COL5A2: variants seen among roughly 807,000 people sequenced by gnomAD.
COL5A2 encodes the protein collagen alpha-2(V) chain.
In COL5A2, 23 loss-of-function variants were observed where a neutral mutation model predicts 208.2. The ratio of observed to expected loss-of-function variants is 0.11; its 90% CI spans 0.08 to 0.16. The LOEUF is 0.16. Among genes scored for constraint, COL5A2 ranks in the 10% least tolerant of loss-of-function variants. COL5A2 has a pLI of 1.00. For missense variants in COL5A2, 1,590 were observed against 1,956.4 expected, an observed-to-expected ratio of 0.81 and a Z score of 3.53; for synonymous variants, 625 against 628.5, an observed-to-expected ratio of 0.99 and a Z score of 0.08.
intron 1 of COL5A2, among the ~76,000 whole-genome samples, chr2:189,206,831 T>C (rs1689149426): frequency 6.6e-6 from 1 of 152,196 alleles, no homozygotes; most frequent in Non-Finnish European, 1.5e-5. Flanking sequence ...TCGAAAGTTG[T>C]GTAGAATTGG....
chr2:189,181,555 G>A (rs953102173), upstream of COL5A2, among the ~76,000 whole-genome samples: 1 of 152,160 alleles, frequency 6.6e-6, no homozygotes, highest in Non-Finnish European at 1.5e-5. Flanking sequence ...ATTCTACCAT[G>A]AGGCAATTTT....
intron 1 of COL5A2, among the ~76,000 whole-genome samples, chr2:189,125,821 G>A (rs541419739): frequency 1.3e-5 from 2 of 152,066 alleles, no homozygotes; most frequent in Non-Finnish European, 2.9e-5. Context: ...GGTTATTGGC[G>A]CCCATAACCC....
the COL5A2 span, among the ~76,000 whole-genome samples, chr2:189,360,183 T>C: frequency 6.6e-6 from 1 of 152,266 alleles, no homozygotes; most frequent in East Asian, 1.9e-4. Context: ...TAGGTGTTTA[T>C]TGCTAAGAAC....
At chr2:189,253,970 C>CA in the COL5A2 span, among the ~76,000 whole-genome samples, 2 of 152,216 alleles carry the variant, frequency 1.3e-5, no homozygotes, top group Non-Finnish European at 2.9e-5. Flanking sequence ...CTCACTCACA[C>CA]ACTCAGTGAC....
intron 37 of COL5A2, 70 bp downstream of exon 37, chr2:189,053,825 T>C (rs1685841857): frequency 1.5e-6 from 2 of 1,301,026 alleles, no homozygotes; most frequent in South Asian, 1.3e-5. Flanking sequence ...TATATAAATA[T>C]AAAAACAAAA....
At chr2:189,096,973 G>C (rs922086680) in intron 6 of COL5A2, among the ~76,000 whole-genome samples, 1 of 152,160 alleles carries the variant, frequency 6.6e-6, no homozygotes, top group East Asian at 1.9e-4. Flanking sequence ...GGCAACCACA[G>C]ATCATATAAC....
chr2:189,068,817 G>A lies in COL5A2; in HGVS notation c.1226C>T (p.Pro409Leu), dbSNP rs760216151. The A allele has an allele frequency of 2.0e-5, 32 of 1,613,248 alleles. No homozygotes were observed. The South Asian group carries it at 3.3e-4, about 17-fold the overall frequency. The change falls in exon 19 of 54, where the codon CCC becomes CTC. Residue 409 changes from proline to leucine, a missense_variant. Pro to Leu is a moderately conservative substitution (Grantham distance 98, BLOSUM62 -3). Transcript: ENST00000374866. The part of the protein sequence containing the change: ...GPQGQRGETG[P>L]PGPVGSPGLP... ...ACCTGGAGAGCCAACTGGACCTGGG[G>A]GCCCAGTTTCACCTCTCTGCCCCTG...
At chr2:189,094,233 T>C (rs1300840345) in intron 6 of COL5A2, among the ~76,000 whole-genome samples, 2 of 152,102 alleles carry the variant, frequency 1.3e-5, no homozygotes, top group African/African-American at 4.8e-5. Context: ...CAGATTAAGA[T>C]TAAAATTAAT....
At chr2:189,410,773 A>G in the COL5A2 span, among the ~76,000 whole-genome samples, 1 of 152,158 alleles carries the variant, frequency 6.6e-6, no homozygotes, top group Non-Finnish European at 1.5e-5. Context: ...AATTGCCTAA[A>G]TTTTTAGTGA....
intron 1 of COL5A2, among the ~76,000 whole-genome samples, chr2:189,166,693 A>G (rs1688471011): frequency 6.6e-6 from 1 of 152,222 alleles, no homozygotes; most frequent in South Asian, 2.1e-4. Flanking sequence ...CTGTAGTGTG[A>G]GCCACGGAGT....
At chr2:189,290,940 G>T in the COL5A2 span, among the ~76,000 whole-genome samples, 1 of 152,062 alleles carries the variant, frequency 6.6e-6, no homozygotes, top group African/African-American at 2.4e-5. Context: ...TGTCTTCATT[G>T]TAGGTTCTAA....
rs755221159 is a variant in COL5A2 at position 189,049,362 on chromosome 2, C to T, written c.3132G>A (p.Gly1044=). Residue 1044 remains glycine (G), a synonymous_variant, in exon 44 of 54, where the codon GGG becomes GGA. Coordinates refer to ENST00000374866, the MANE Select transcript of COL5A2 (RefSeq NM_000393.5). ...VGPPGSNGPV[G]EPGPEGPAGN... ...TAGTACTCACTTCTGGTCCAGGTTC[C>T]CCTACAGGACCATTGGAGCCTGGGG... 6.2e-7 allele frequency: 1 copy of T among 1,610,714 alleles called. No individual in the cohort carries two copies. The highest frequency in any genetic ancestry group is 8.5e-7 in the Non-Finnish European group (1 of 1,177,520).
the COL5A2 span, among the ~76,000 whole-genome samples, chr2:189,356,795 C>A: frequency 1.3e-5 from 2 of 152,282 alleles, no homozygotes; most frequent in Non-Finnish European, 2.9e-5. Context: ...GAGTTGTGAT[C>A]CTTTGGAGGA....
chr2:189,202,485 C>T (rs1281050228), intron 1 of COL5A2, among the ~76,000 whole-genome samples: 1 of 152,102 alleles, frequency 6.6e-6, no homozygotes, highest in Non-Finnish European at 1.5e-5. Flanking sequence ...AGTGAAGAAG[C>T]AGTAAGTAAA....
At chr2:189,410,834 ATAAC>A in the COL5A2 span, among the ~76,000 whole-genome samples, 1 of 152,224 alleles carries the variant, frequency 6.6e-6, no homozygotes, top group Admixed American at 6.5e-5. Flanking sequence ...AACATTAAGA[ATAAC>A]TAAATTTTTA....
chr2:189,139,249 T>C (rs768205920), intron 1 of COL5A2, among the ~76,000 whole-genome samples: 1 of 152,174 alleles, frequency 6.6e-6, no homozygotes, highest in African/African-American at 2.4e-5. Context: ...CACTCCAGCC[T>C]GGGCAACAAG....
At chr2:189,350,390 T>G in the COL5A2 span, among the ~76,000 whole-genome samples, 1 of 152,126 alleles carries the variant, frequency 6.6e-6, no homozygotes, top group Non-Finnish European at 1.5e-5. Flanking sequence ...AGACATAGAC[T>G]TTTAGACAGG....
chr2:189,419,906 G>A, the COL5A2 span, among the ~76,000 whole-genome samples: 2 of 139,228 alleles, frequency 1.4e-5, no homozygotes, highest in Admixed American at 7.5e-5. Context: ...GAGGAGAAGA[G>A]GAGGAGGAGA....
intron 16 of COL5A2, 99 bp from the exon 17 acceptor site, chr2:189,075,536 GAATA>G: frequency 4.5e-6 from 4 of 880,434 alleles, no homozygotes; most frequent in Non-Finnish European, 7.5e-6. Flanking sequence ...GCAAATTGAA[GAATA>G]AATATTAAAG....
Sources: gnomAD v4.1 joint callset for allele counts (sites outside exome capture counted in the v4.1 genomes callset) on GRCh38, gnomAD v4.1.1 for gene constraint, MANE v1.5 for transcripts, NCBI Gene and HGNC (gene_info 2026-07-23, HGNC 2026-07-21) for gene names.